Variants in TGFBR3 observed in about 807,000 individuals in gnomAD.
The protein encoded by TGFBR3 is transforming growth factor beta receptor type 3.
A neutral mutation model predicts 87.9 loss-of-function variants in TGFBR3; 46 were observed. The observed-to-expected ratio is 0.52, with a 90% CI of 0.41 to 0.67. The LOEUF (loss-of-function observed/expected upper bound fraction) is 0.67. Ranked by LOEUF, TGFBR3 falls within the 30% of genes least tolerant of loss-of-function variation. The pLI, the probability that TGFBR3 is intolerant of heterozygous loss-of-function variation, is 0.00. For synonymous variants in TGFBR3, 381 were observed against 391.6 expected (o/e 0.97, Z 0.32); for missense variants, 866 against 1,041.9 (o/e 0.83, Z 2.32).
At position 91,727,604 on chromosome 1, in the gene TGFBR3, C is replaced by G. The variant is rs1034817531; in HGVS notation, c.885+55G>C. 3.1e-6 allele frequency: 5 copies of G among 1,606,484 alleles called. No homozygotes were observed. In the Admixed American group the frequency reaches 6.7e-5, roughly 21 times the overall value. ...TAAAAATAACACTTATAAAGTACAG[C>G]TTAAATTGTTGTCATTTATCTAAAC... On this transcript the variant is annotated intron_variant, in intron 7 of 16. Coordinates refer to ENST00000212355, the MANE Select transcript of TGFBR3 (RefSeq NM_003243.5).
At chr1:91,808,462 A>G (rs990765226) in intron 2 of TGFBR3, among the ~76,000 whole-genome samples, 1 of 151,918 alleles carries the variant, frequency 6.6e-6, no homozygotes, top group African/African-American at 2.4e-5. Flanking sequence ...TTTGTTTGGT[A>G]TTTTGTTTTG....
At chr1:91,856,273 A>T (rs576975944) in intron 2 of TGFBR3, among the ~76,000 whole-genome samples, 1 of 152,044 alleles carries the variant, frequency 6.6e-6, no homozygotes, top group East Asian at 1.9e-4. Flanking sequence ...TCACCGTGTT[A>T]GCCAGGATGG....
chr1:91,810,589 C>A (rs1206471260), intron 2 of TGFBR3, among the ~76,000 whole-genome samples: 1 of 152,196 alleles, frequency 6.6e-6, no homozygotes, highest in Non-Finnish European at 1.5e-5. Context: ...GGCACGTGTT[C>A]ATAAACATTT....
At chr1:91,791,353 A>G (rs998870692) in intron 3 of TGFBR3, among the ~76,000 whole-genome samples, 1 of 152,218 alleles carries the variant, frequency 6.6e-6, no homozygotes, top group African/African-American at 2.4e-5. Context: ...ATTAGCAGCC[A>G]CATAGAGCAC....
In TGFBR3 at chr1:91,895,616, C is replaced by T. The variant is rs575791675; in HGVS notation, c.-114+4021G>A. Among the ~76,000 whole-genome samples the T allele has an allele frequency of 4.6e-5, 7 of 152,286 alleles. No individual in the cohort carries two copies. The East Asian group carries it at 9.6e-4, about 21-fold the overall frequency. ...GGATTAAAGTGTGAGCCACCACACACGGCCAGTCCAGAATGGACTAATACA... is the reference window on the plus strand; with the variant it reads ...GGATTAAAGTGTGAGCCACCACACATGGCCAGTCCAGAATGGACTAATACA... On this transcript the variant is annotated intron_variant, in intron 2 of 17. Coordinates refer to the TGFBR3 transcript ENST00000370399.
At position 91,720,220 on chromosome 1, in the gene TGFBR3, C is replaced by A; in HGVS notation, c.1086G>T (p.Met362Ile). ...HLRLENNAEEMGDEEVHTIPP... is the reference protein window; with the variant it reads ...HLRLENNAEEIGDEEVHTIPP... Reference sequence around the variant, plus strand: ...GAATAGTGTGGACTTCCTCATCTCCCATCTCCTCTGCTGGTGAAAGAAGAA... The same window carrying A: ...GAATAGTGTGGACTTCCTCATCTCCAATCTCCTCTGCTGGTGAAAGAAGAA... Residue 362 changes from methionine (M) to isoleucine (I), a missense_variant, in exon 9 of 17, where the codon ATG (methionine) becomes ATT (isoleucine). Transcript: ENST00000212355. The A allele has an allele frequency of 6.3e-7, 1 of 1,594,694 alleles. No homozygotes were observed. The highest frequency in any genetic ancestry group is 2.3e-5 in the East Asian group (1 of 44,062).
intron 3 of TGFBR3, among the ~76,000 whole-genome samples, chr1:91,787,943 G>GGAAAAAAAAAAAAAA (rs945269870): frequency 6.8e-5 from 9 of 133,314 alleles, no homozygotes; most frequent in African/African-American, 2.1e-4. Flanking sequence ...GTCTCACGGG[G>GGAAAAAAAAAAAAAA]AAAAAAAAAA....
At chr1:91,695,483 C>T in intron 16 of TGFBR3, 189 bp downstream of exon 16, 3 of 626,306 alleles carry the variant, frequency 4.8e-6, no homozygotes, top group South Asian at 3.6e-5. Flanking sequence ...TTAAACCTTC[C>T]TTTTCTTTCC....
At chr1:91,695,802 C>T (rs780684332) in intron 15 of TGFBR3, 23 bp from the exon 16 acceptor site, 1 of 1,601,598 alleles carries the variant, frequency 6.2e-7, no homozygotes, top group Non-Finnish European at 8.6e-7. Flanking sequence ...GAAACCGATA[C>T]ACACAACTTT....
chr1:91,780,884 T>TGCAC (rs1674740744), intron 3 of TGFBR3, among the ~76,000 whole-genome samples: 1 of 132,580 alleles, frequency 7.5e-6, no homozygotes, highest in African/African-American at 2.9e-5. Flanking sequence ...ACTAGAGAAC[T>TGCAC]ACACACACAC....
chr1:91,810,297 A>G (rs896363647), intron 2 of TGFBR3, among the ~76,000 whole-genome samples: 1 of 152,150 alleles, frequency 6.6e-6, no homozygotes, highest in Non-Finnish European at 1.5e-5. Context: ...GAGCTCAAGC[A>G]ATCCACCTGC....
At chr1:91,792,825 A>C (rs552750478) in intron 3 of TGFBR3, among the ~76,000 whole-genome samples, 1 of 152,334 alleles carries the variant, frequency 6.6e-6, no homozygotes, top group African/African-American at 2.4e-5. Flanking sequence ...CACTTGCTCT[A>C]AAAGATAAAT....
chr1:91,763,157 GA>G (rs1414546641), intron 3 of TGFBR3, among the ~76,000 whole-genome samples: 1 of 152,192 alleles, frequency 6.6e-6, no homozygotes, highest in Non-Finnish European at 1.5e-5. Flanking sequence ...GATTCCTTAT[GA>G]AAATTGTTTT....
chr1:91,903,907 C>T (rs935225103), intron 1 of TGFBR3, among the ~76,000 whole-genome samples: 4 of 152,194 alleles, frequency 2.6e-5, no homozygotes, highest in Admixed American at 2.0e-4. Flanking sequence ...GGCATGGTGG[C>T]TCACGCCTAT....
chr1:91,899,852 G>A (rs974495735), intron 1 of TGFBR3, among the ~76,000 whole-genome samples: 3 of 151,962 alleles, frequency 2.0e-5, no homozygotes, highest in African/African-American at 7.3e-5. Flanking sequence ...TCAGGAGGCT[G>A]AGGCAGGAGA....
chr1:91,795,715 T>C (rs1034852343), intron 3 of TGFBR3, among the ~76,000 whole-genome samples: 1 of 152,140 alleles, frequency 6.6e-6, no homozygotes, highest in African/African-American at 2.4e-5. Context: ...AGGAGCTGCA[T>C]TTCCTCCTCT....
intron 4 of TGFBR3, among the ~76,000 whole-genome samples, chr1:91,756,037 C>T (rs1333744309): frequency 1.3e-5 from 2 of 152,150 alleles, no homozygotes; most frequent in East Asian, 3.8e-4. Context: ...TGATGCAGGG[C>T]CTGAGAAAAA....
At chr1:91,686,124 C>T (rs1377632853) in intron 16 of TGFBR3, among the ~76,000 whole-genome samples, 1 of 152,182 alleles carries the variant, frequency 6.6e-6, no homozygotes, top group African/African-American at 2.4e-5. Flanking sequence ...AGCAAGTGTG[C>T]TCCTCCAGGA....
rs1219702767 is a variant in TGFBR3, at chr1:91,680,446, T to C, written c.*3293A>G. 2.2e-6 allele frequency: 1 copy of C among 453,984 alleles called. No homozygotes were observed. The highest frequency in any genetic ancestry group is 4.4e-6 in the Non-Finnish European group (1 of 226,764). The allele number at this position is 453,984 out of a possible 1,614,324, so 28.1% of individuals were successfully genotyped here. A position where few individuals can be genotyped will look rare whatever the true frequency, so the allele number is the denominator to read the frequency against. ...CATCTTCACAAAATAGCTGACACAC[T>C]GAACAGAGAAAAGAATACAACAGGG... On this transcript the variant is annotated 3_prime_UTR_variant, in exon 17 of 17. Transcript: ENST00000212355.
Sources: gnomAD v4.1 joint callset for allele counts (sites outside exome capture counted in the v4.1 genomes callset) on GRCh38, gnomAD v4.1.1 for gene constraint, MANE v1.5 for transcripts, NCBI Gene and HGNC (gene_info 2026-07-23, HGNC 2026-07-21) for gene names.